CDH9: variants seen among roughly 807,000 people sequenced by gnomAD.
CDH9 encodes cadherin 9, also known as cadherin-9.
A neutral mutation model predicts 70.9 loss-of-function variants in CDH9; 28 were observed. The ratio of observed to expected loss-of-function variants is 0.40; its 90% confidence interval spans 0.29 to 0.54. The LOEUF is 0.54. CDH9 is among the 20% of genes least tolerant of loss of function. The pLI is 0.59. For missense variants in CDH9, 874 were observed against 984.4 expected (o/e 0.89, Z 1.50); for synonymous variants, 409 against 343.1 (o/e 1.19, Z -2.12).
In CDH9 at chr5:26,967,073, C is replaced by T. The variant is rs139047837; in HGVS notation, c.228+21033G>A. 2.3e-3 allele frequency among the ~76,000 whole-genome samples: 343 copies of T among 152,194 alleles called. 1 individual carries two copies. Among genetic ancestry groups the T allele is most frequent in the Non-Finnish European group, 3.9e-3 (268 of 68,008 alleles). On this transcript the variant is annotated intron_variant, in intron 2 of 11. Transcript: ENST00000231021. ...TCAGCCTTCCAAGTAGCTGGGACCA[C>T]ATACATGCCACACCACGCCTGGCTA...
chr5:26,951,506 G>A (rs1334243598), intron 2 of CDH9, among the ~76,000 whole-genome samples: 1 of 151,946 alleles, frequency 6.6e-6, no homozygotes, highest in Non-Finnish European at 1.5e-5. Context: ...CCTGGAAAAC[G>A]TCGCATAAGC....
intron 2 of CDH9, among the ~76,000 whole-genome samples, chr5:26,983,782 T>C (rs1371807299): frequency 6.6e-6 from 1 of 152,198 alleles, no homozygotes; most frequent in Non-Finnish European, 1.5e-5. Context: ...ATCAAAACTC[T>C]TTAAATAAAT....
chr5:26,908,356 C>T (rs1740986079), intron 3 of CDH9, among the ~76,000 whole-genome samples: 1 of 151,480 alleles, frequency 6.6e-6, no homozygotes, highest in Admixed American at 6.6e-5. Context: ...TTTTAATTTA[C>T]ATGTAATGTC....
intron 2 of CDH9, among the ~76,000 whole-genome samples, chr5:26,939,608 C>T (rs923516903): frequency 6.6e-6 from 1 of 151,738 alleles, no homozygotes; most frequent in South Asian, 2.1e-4. Context: ...TCAAAAAATG[C>T]GGCAAGCAAA....
rs745932243 is a variant in CDH9, at chr5:26,903,443, C to T, written c.999+194G>A. On this transcript the variant is annotated intron_variant, in intron 6 of 11. Coordinates refer to ENST00000231021, the MANE Select transcript of CDH9 (RefSeq NM_016279.4). ...TGTTTTCTAGTTTTAGCATGAACAACTGAGGTTTTAAGTGTCAATTATGAA... is the reference window on the plus strand; with the variant it reads ...TGTTTTCTAGTTTTAGCATGAACAATTGAGGTTTTAAGTGTCAATTATGAA... 17 of 680,736 alleles carry T rather than the reference C, an allele frequency of 2.5e-5. No homozygotes were observed. The Middle Eastern group carries it at 1.5e-3, about 62-fold the overall frequency. The allele number at this position is 680,736 out of a possible 1,614,324, so 42.2% of individuals were successfully genotyped here. A position where few individuals can be genotyped will look rare whatever the true frequency, so the allele number is the denominator to read the frequency against.
intron 3 of CDH9, among the ~76,000 whole-genome samples, chr5:26,914,614 C>T (rs1437304456): frequency 3.9e-5 from 6 of 151,930 alleles, no homozygotes; most frequent in African/African-American, 1.2e-4. Context: ...AGAATAAATA[C>T]GTTTTTAAAA....
intron 2 of CDH9, among the ~76,000 whole-genome samples, chr5:26,944,242 C>CT (rs34068474): frequency 1.0e-4 from 15 of 148,932 alleles, no homozygotes; most frequent in African/African-American, 3.4e-4. Context: ...CATTTCCTAT[C>CT]TTTTTTTTTT....
rs1330564567 is a variant in CDH9, at chr5:26,902,585, C to G, written c.1144G>C (p.Val382Leu). Reference sequence around the variant, plus strand: ...ATCAAGTAAGAGACTTTAGTGAACACAGGAGGCTCATCTATATCTTCCACA... The same window carrying G: ...ATCAAGTAAGAGACTTTAGTGAACAGAGGAGGCTCATCTATATCTTCCACA... ...ISVEDIDEPPVFTKVSYLIEV... is the reference protein window; with the variant it reads ...ISVEDIDEPPLFTKVSYLIEV... Residue 382 changes from valine to leucine, a missense_variant, in exon 7 of 12, where the codon GTG becomes CTG. Val to Leu is a conservative substitution (Grantham distance 32). Coordinates refer to ENST00000231021, the MANE Select transcript of CDH9 (RefSeq NM_016279.4). 5.6e-6 allele frequency: 9 copies of G among 1,600,322 alleles called. No individual in the cohort carries two copies. The highest frequency in any genetic ancestry group is 1.1e-5 in the South Asian group (1 of 90,818).
chr5:26,922,971 G>GA (rs538942596), intron 2 of CDH9, among the ~76,000 whole-genome samples: 173 of 140,532 alleles, frequency 1.2e-3, no homozygotes, highest in African/African-American at 4.0e-3. Context: ...CAAACAACCA[G>GA]AAAAAAAATG....
At chr5:26,913,777 G>GTA (rs1334841857) in intron 3 of CDH9, among the ~76,000 whole-genome samples, 1 of 151,728 alleles carries the variant, frequency 6.6e-6, no homozygotes, top group African/African-American at 2.4e-5. Context: ...GTGTGTGTGT[G>GTA]TGTGTGTGTG....
chr5:27,008,471 C>T (rs1014189025), intron 1 of CDH9, among the ~76,000 whole-genome samples: 1 of 143,900 alleles, frequency 6.9e-6, no homozygotes, highest in Admixed American at 6.9e-5. Flanking sequence ...GCCTGGGCAA[C>T]GGAGTGAGAC....
At chr5:26,905,009 T>C (rs1740920896) in intron 5 of CDH9, among the ~76,000 whole-genome samples, 1 of 152,106 alleles carries the variant, frequency 6.6e-6, no homozygotes. Flanking sequence ...AGGCTTATTA[T>C]TTATGTTCTC....
intron 1 of CDH9, among the ~76,000 whole-genome samples, chr5:27,013,080 G>C (rs1742985752): frequency 6.6e-6 from 1 of 151,948 alleles, no homozygotes; most frequent in African/African-American, 2.4e-5. Flanking sequence ...AATCAATTTG[G>C]AGGTCATTAG....
intron 3 of CDH9, among the ~76,000 whole-genome samples, chr5:26,910,224 C>CATCTATCCATCT (rs1741025759): frequency 6.7e-6 from 1 of 149,218 alleles, no homozygotes; most frequent in African/African-American, 2.5e-5. Flanking sequence ...ATCTATCATC[C>CATCTATCCATCT]ATCTATCTAT....
intron 2 of CDH9, among the ~76,000 whole-genome samples, chr5:26,926,932 A>C: frequency 7.1e-6 from 1 of 140,318 alleles, no homozygotes. Flanking sequence ...CCCCCGCAAA[A>C]AAAAAAGAAA....
At chr5:26,920,249 G>A (rs1741221313) in intron 2 of CDH9, among the ~76,000 whole-genome samples, 1 of 151,804 alleles carries the variant, frequency 6.6e-6, no homozygotes, top group Non-Finnish European at 1.5e-5. Context: ...ATGGGCCTGA[G>A]GTGGTATGGT....
intron 1 of CDH9, among the ~76,000 whole-genome samples, chr5:27,019,426 C>T (rs1383719206): frequency 1.3e-5 from 2 of 151,860 alleles, no homozygotes; most frequent in Non-Finnish European, 2.9e-5. Context: ...CATTATTTAA[C>T]ACATTTTATA....
At chr5:26,998,899 T>C (rs945492166) in intron 1 of CDH9, among the ~76,000 whole-genome samples, 8 of 152,230 alleles carry the variant, frequency 5.3e-5, no homozygotes, top group African/African-American at 1.9e-4. Flanking sequence ...CATTAATATA[T>C]TAAAAAGTTA....
intron 1 of CDH9, among the ~76,000 whole-genome samples, chr5:27,009,013 C>T (rs1005179424): frequency 6.6e-6 from 1 of 152,102 alleles, no homozygotes; most frequent in Non-Finnish European, 1.5e-5. Flanking sequence ...AACCATCTTA[C>T]CACTCACTTA....
Sources: allele counts gnomAD v4.1 joint callset (sites outside exome capture counted in the v4.1 genomes callset), GRCh38; gene constraint gnomAD v4.1.1; transcripts MANE v1.5; gene names NCBI Gene and HGNC (gene_info 2026-07-23, HGNC 2026-07-21).